Variants in CNTNAP2 observed in about 807,000 individuals in gnomAD.
CNTNAP2 encodes contactin associated protein 2.
CNTNAP2 carries 98 observed loss-of-function variants against 155.2 expected under a neutral mutation model. The observed-to-expected ratio is 0.63, with a 90% CI of 0.54 to 0.75. CNTNAP2 has a LOEUF of 0.75. Ranked by LOEUF, CNTNAP2 falls within the 30% of genes least tolerant of loss-of-function variation. The probability of loss-of-function intolerance (pLI) is 0.00; values close to 1 mark genes in which losing one functional copy is unlikely to be tolerated. For synonymous variants in CNTNAP2, 651 were observed against 631.2 expected (o/e 1.03, Z -0.47); for missense variants, 1,727 against 1,688.1 (o/e 1.02, Z -0.40).
intron 12 of CNTNAP2, among the ~76,000 whole-genome samples, chr7:147,591,485 T>G (rs369856746): frequency 6.6e-6 from 1 of 152,178 alleles, no homozygotes; most frequent in African/African-American, 2.4e-5. Flanking sequence ...TCTAAAGCAC[T>G]GGGGATTAAG....
intron 3 of CNTNAP2, among the ~76,000 whole-genome samples, chr7:146,875,623 T>A (rs1253249844): frequency 2.0e-5 from 3 of 152,040 alleles, no homozygotes; most frequent in African/African-American, 7.2e-5. Flanking sequence ...ATTTGAAGGA[T>A]GCTTTGCTCC....
chr7:147,705,711 T>G (rs1796300292), intron 13 of CNTNAP2, among the ~76,000 whole-genome samples: 1 of 152,208 alleles, frequency 6.6e-6, no homozygotes, highest in African/African-American at 2.4e-5. Flanking sequence ...TAATAATATT[T>G]ACTTTCTATA....
chr7:146,915,234 G>A (rs773817519), intron 3 of CNTNAP2, among the ~76,000 whole-genome samples: 2 of 152,092 alleles, frequency 1.3e-5, no homozygotes, highest in Non-Finnish European at 2.9e-5. Flanking sequence ...ATAGGTTGAA[G>A]TAGGGTAATG....
intron 18 of CNTNAP2, among the ~76,000 whole-genome samples, chr7:148,208,940 T>A (rs977950228): frequency 2.0e-5 from 3 of 152,124 alleles, no homozygotes; most frequent in African/African-American, 4.8e-5. Flanking sequence ...TTGAAAAGGG[T>A]GACTTCTCAG....
At chr7:146,814,602 G>A (rs1803127774) in intron 2 of CNTNAP2, among the ~76,000 whole-genome samples, 3 of 152,044 alleles carry the variant, frequency 2.0e-5, no homozygotes, top group Admixed American at 2.0e-4. Context: ...AATATTCTTT[G>A]CTAATAATCT....
chr7:146,194,830 A>G (rs1407846906), intron 1 of CNTNAP2, among the ~76,000 whole-genome samples: 2 of 152,218 alleles, frequency 1.3e-5, no homozygotes, highest in Non-Finnish European at 2.9e-5. Flanking sequence ...TGTTTTCTAT[A>G]TATAAGAAGT....
chr7:148,066,647 A>G (rs979800066), intron 15 of CNTNAP2, among the ~76,000 whole-genome samples: 7 of 151,590 alleles, frequency 4.6e-5, no homozygotes, highest in East Asian at 1.9e-4. Context: ...ACAGGCGCCC[A>G]CCACCACACC....
Position 147,062,979 on chromosome 7 carries a change from C to G in CNTNAP2, c.550+18925C>G, listed in dbSNP as rs573699364. On this transcript the variant is annotated intron_variant, in intron 4 of 23. Coordinates refer to ENST00000361727, the MANE Select transcript of CNTNAP2 (RefSeq NM_014141.6). ...GAGATTTTCTCTCTGCACTGATTGA[C>G]TTGAAAGCAGAATAGAAGACTGGAG... 2.6e-5 allele frequency among the ~76,000 whole-genome samples: 4 copies of G among 152,278 alleles called. No individual in the cohort carries two copies. The East Asian group carries it at 7.7e-4, about 29-fold the overall frequency.
intron 3 of CNTNAP2, among the ~76,000 whole-genome samples, chr7:146,929,558 C>A (rs1429114025): frequency 2.6e-5 from 4 of 152,176 alleles, no homozygotes; most frequent in East Asian, 1.9e-4. Flanking sequence ...GCACGCAGTT[C>A]CTCACCAGCA....
intron 3 of CNTNAP2, among the ~76,000 whole-genome samples, chr7:146,979,251 T>C (rs1247543322): frequency 1.1e-4 from 16 of 152,164 alleles, no homozygotes; most frequent in Admixed American, 1.0e-3. Flanking sequence ...GTTCCCTTTC[T>C]ACTTCCCTGG....
chr7:147,428,713 A>G (rs1033028123), intron 10 of CNTNAP2, among the ~76,000 whole-genome samples: 1 of 152,172 alleles, frequency 6.6e-6, no homozygotes, highest in East Asian at 1.9e-4. Context: ...AGACAAGAGG[A>G]AGAATCCCCC....
chr7:148,337,618 T>C (rs139380748), intron 21 of CNTNAP2, among the ~76,000 whole-genome samples: 29 of 152,360 alleles, frequency 1.9e-4, no homozygotes, highest in African/African-American at 6.0e-4. Context: ...CTCTCCACTT[T>C]AGAGCTTTGT....
intron 13 of CNTNAP2, among the ~76,000 whole-genome samples, chr7:147,752,519 G>C (rs1033994548): frequency 2.0e-5 from 3 of 152,164 alleles, no homozygotes; most frequent in African/African-American, 7.2e-5. Context: ...TCCTGTGTGT[G>C]TACAGGAAGG....
intron 3 of CNTNAP2, among the ~76,000 whole-genome samples, chr7:146,907,163 T>C (rs1054263582): frequency 2.6e-5 from 4 of 152,054 alleles, no homozygotes; most frequent in African/African-American, 9.7e-5. Flanking sequence ...AAAGACCAAA[T>C]CTACGTCTGA....
intron 1 of CNTNAP2, among the ~76,000 whole-genome samples, chr7:146,288,793 A>ATTT (rs757136036): frequency 0.018 from 1,850 of 100,036 alleles, 277 homozygotes; most frequent in African/African-American, 0.088. Context: ...AAAATTAGTA[A>ATTT]TTTTTTTTTT....
intron 13 of CNTNAP2, among the ~76,000 whole-genome samples, chr7:147,780,125 A>G (rs953723071): frequency 9.9e-5 from 15 of 152,252 alleles, no homozygotes; most frequent in Admixed American, 9.8e-4. Context: ...AGGATGAGAC[A>G]GAATATAGAC....
At chr7:146,212,544 T>C (rs1490766025) in intron 1 of CNTNAP2, among the ~76,000 whole-genome samples, 1 of 152,294 alleles carries the variant, frequency 6.6e-6, no homozygotes, top group African/African-American at 2.4e-5. Flanking sequence ...AAATTCCAAA[T>C]TGACCAGAGT....
chr7:147,925,188 A>AAGG (rs1554450389), intron 14 of CNTNAP2, among the ~76,000 whole-genome samples: 51 of 150,226 alleles, frequency 3.4e-4, no homozygotes, highest in African/African-American at 1.2e-3. Context: ...GGAAGGAAGG[A>AAGG]AGGAAGGAAG....
intron 10 of CNTNAP2, among the ~76,000 whole-genome samples, chr7:147,421,991 GT>G (rs1177976916): frequency 6.6e-6 from 1 of 151,520 alleles, no homozygotes; most frequent in Admixed American, 6.6e-5. Context: ...CCTATAGACC[GT>G]GAGCCAATTA....
Sources: allele counts gnomAD v4.1 joint callset (sites outside exome capture counted in the v4.1 genomes callset), GRCh38; gene constraint gnomAD v4.1.1; transcripts MANE v1.5; gene names NCBI Gene and HGNC (gene_info 2026-07-23, HGNC 2026-07-21).